The following CRYBG3 variants were observed in gnomAD, a reference collection of about 807,000 sequenced individuals.
The protein encoded by CRYBG3 is crystallin beta-gamma domain containing 3.
Under a neutral mutation model 244.2 loss-of-function variants are expected in CRYBG3, and 127 were observed. The observed-to-expected ratio is 0.52, with a 90% CI of 0.45 to 0.60. The LOEUF (loss-of-function observed/expected upper bound fraction) is 0.60. Among genes scored for constraint, CRYBG3 ranks in the 20% least tolerant of loss-of-function variants. The probability of loss-of-function intolerance (pLI) is 0.00; values close to 1 mark genes in which losing one functional copy is unlikely to be tolerated. For missense variants in CRYBG3, 3,325 were observed against 3,442.5 expected (o/e 0.97, Z 0.85); for synonymous variants, 1,132 against 1,195.8 (o/e 0.95, Z 1.10).
At chr3:97,912,128 T>C in intron 15 of CRYBG3, 39 bp from the exon 16 acceptor site, 1 of 1,103,904 alleles carries the variant, frequency 9.1e-7, no homozygotes, top group South Asian at 1.6e-5. Flanking sequence ...TCTAAGACCA[T>C]TTTTTTTCTA....
At chr3:97,898,002 C>T (rs931251494) in intron 12 of CRYBG3, among the ~76,000 whole-genome samples, 9 of 151,848 alleles carry the variant, frequency 5.9e-5, no homozygotes, top group Admixed American at 5.3e-4. Context: ...GGGTGGATCA[C>T]GAGGTCAGGA....
chr3:97,831,042 G>C (rs2038647681), intron 1 of CRYBG3, among the ~76,000 whole-genome samples: 1 of 152,150 alleles, frequency 6.6e-6, no homozygotes, highest in African/African-American at 2.4e-5. Context: ...CAGATTAATA[G>C]GAGAAATGAC....
intron 17 of CRYBG3, among the ~76,000 whole-genome samples, chr3:97,926,168 C>T (rs377309177): frequency 5.9e-5 from 9 of 152,184 alleles, no homozygotes; most frequent in Middle Eastern, 3.4e-3. Flanking sequence ...CAAAAATCCT[C>T]AACAAAGTAC....
In CRYBG3 at chr3:97,901,184, G is replaced by A. The variant is rs528150674; in HGVS notation, c.8004+699G>A. 1.5e-4 allele frequency among the ~76,000 whole-genome samples: 23 copies of A among 152,120 alleles called. No individual in the cohort carries two copies. The South Asian group carries it at 4.8e-3, about 32-fold the overall frequency. On this transcript the variant is annotated intron_variant, in intron 15 of 21. Transcript: ENST00000389622. The stretch of plus-strand genomic sequence containing the variant: ...GCACTTGACAAAACCACATGTTCAG[G>A]GTTTTACATCAAAGAAAGACATAAT...
intron 18 of CRYBG3, 55 bp downstream of exon 18, chr3:97,933,888 G>A: frequency 1.3e-6 from 2 of 1,530,104 alleles, no homozygotes; most frequent in South Asian, 2.3e-5. Flanking sequence ...AGACAGAGTT[G>A]CAGAGTTGCA....
At chr3:97,926,551 C>T (rs889199632) in intron 17 of CRYBG3, among the ~76,000 whole-genome samples, 5 of 151,848 alleles carry the variant, frequency 3.3e-5, no homozygotes, top group Admixed American at 3.3e-4. Flanking sequence ...TTCAGTATAG[C>T]ACTGGAAGAC....
At chr3:97,929,215 C>T (rs1559747001) in intron 17 of CRYBG3, among the ~76,000 whole-genome samples, 1 of 151,930 alleles carries the variant, frequency 6.6e-6, no homozygotes, top group Non-Finnish European at 1.5e-5. Flanking sequence ...GGTTGGCCAG[C>T]TTCAAAGTTA....
intron 15 of CRYBG3, among the ~76,000 whole-genome samples, chr3:97,904,734 A>C (rs2039747491): frequency 7.3e-6 from 1 of 136,796 alleles, no homozygotes; most frequent in Non-Finnish European, 1.6e-5. Context: ...TTTTTTTATA[A>C]TCTTTTTTTT....
At position 97,899,467 on chromosome 3, in the gene CRYBG3, A is replaced by G. The variant is rs565348075; in HGVS notation, c.7971+204A>G. On this transcript the variant is annotated intron_variant, in intron 14 of 21. Transcript: ENST00000389622. ...AATGAGATGGCTTTGTAATTTGATC[A>G]GTTCATTCACTTAACAGCATTTATT... is the stretch of plus-strand genomic sequence containing the variant. Among the ~76,000 whole-genome samples, 346 of 152,222 alleles carry G rather than the reference A, an allele frequency of 2.3e-3. 1 individual carries two copies. The highest frequency in any genetic ancestry group is 7.2e-3 in the South Asian group (35 of 4,830).
intron 1 of CRYBG3, among the ~76,000 whole-genome samples, chr3:97,824,395 C>A (rs374811257): frequency 2.0e-5 from 3 of 152,074 alleles, no homozygotes; most frequent in Middle Eastern, 3.4e-3. Flanking sequence ...AAGAGGAGTA[C>A]AAAATTAAAA....
At chr3:97,864,101 A>T in intron 2 of CRYBG3, 116 bp from the exon 3 acceptor site, 5 of 776,582 alleles carry the variant, frequency 6.4e-6, no homozygotes, top group Non-Finnish European at 1.0e-5. Context: ...AGAAGCCATT[A>T]GTCTTATTCA....
At chr3:97,823,678 T>A (rs1370812624) in intron 1 of CRYBG3, among the ~76,000 whole-genome samples, 1 of 152,230 alleles carries the variant, frequency 6.6e-6, no homozygotes, top group Non-Finnish European at 1.5e-5. Flanking sequence ...GCAGACAGCC[T>A]GTGGTGCCTG....
In CRYBG3 at chr3:97,873,569, C is replaced by T. The variant is rs1214358708; in HGVS notation, c.2375C>T (p.Ala792Val). 18 of 1,535,556 alleles carry T rather than the reference C, an allele frequency of 1.2e-5. 1 individual carries two copies. The Admixed American group carries it at 3.5e-4, about 30-fold the overall frequency. Residue 792 changes from alanine to valine, a missense_variant, in exon 4 of 22, where the codon GCA becomes GTA. By Grantham distance (64) the Ala-to-Val change is moderately conservative. Around this residue, in one of 4 missense-constraint regions of CRYBG3, gnomAD observed 1,526 missense variants for 1,443.2 expected, o/e 1.06. Coordinates refer to ENST00000389622, the MANE Select transcript of CRYBG3 (RefSeq NM_153605.4). ...RVELVSSNTK[A>V]NMSIIEKSDS... ...GAGTTAGTGTCTTCAAACACTAAAG[C>T]AAATATGAGCATAATAGAGAAGTCT...
chr3:97,862,274 G>C (rs987177136), intron 2 of CRYBG3, among the ~76,000 whole-genome samples: 1 of 152,114 alleles, frequency 6.6e-6, no homozygotes, highest in African/African-American at 2.4e-5. Context: ...AGATTTTAAT[G>C]ATGTTAAAAG....
Position 97,872,575 on chromosome 3 carries a change from T to C in CRYBG3, c.1381T>C (p.Ser461Pro), listed in dbSNP as rs1474896953. The part of the protein sequence containing the change: ...ESTNLPSPNK[S>P]IRHEHLQLPE... ...TACAAATTTGCCAAGTCCAAATAAA[T>C]CAATTAGGCATGAACATCTGCAGTT... The change falls in exon 4 of 22, where the codon TCA becomes CCA. Residue 461 changes from serine to proline, a missense_variant. Coordinates refer to ENST00000389622, the MANE Select transcript of CRYBG3 (RefSeq NM_153605.4). 1.8e-5 allele frequency: 27 copies of C among 1,535,836 alleles called. No homozygotes were observed. In the East Asian group the frequency reaches 4.6e-4, roughly 26 times the overall value.
intron 12 of CRYBG3, among the ~76,000 whole-genome samples, chr3:97,897,949 G>A (rs1015177331): frequency 5.3e-5 from 8 of 152,082 alleles, no homozygotes; most frequent in African/African-American, 1.7e-4. Flanking sequence ...GGCTGGGCAC[G>A]GTGGTTCATG....
In CRYBG3 at chr3:97,886,666, A is replaced by C; in HGVS notation, c.7188A>C (p.Gln2396His). The C allele has an allele frequency of 1.9e-6, 3 of 1,608,724 alleles. No homozygotes were observed. Among genetic ancestry groups the C allele is most frequent in the Non-Finnish European group, 2.5e-6 (3 of 1,178,614 alleles). ...CSIPEIELFP[Q>H]SDPACCPVYI... ...TTCCAGAAATAGAGCTTTTCCCACA[A>C]TCTGACCCAGCCTGTTGTCCTGTCT... The change falls in exon 8 of 22, where the codon CAA becomes CAC. Residue 2396 changes from glutamine to histidine, a missense_variant. Transcript: ENST00000389622.
At chr3:97,917,064 T>C (rs1039037009) in intron 17 of CRYBG3, among the ~76,000 whole-genome samples, 12 of 152,090 alleles carry the variant, frequency 7.9e-5, no homozygotes, top group African/African-American at 2.9e-4. Context: ...AGGTCTAAAT[T>C]TGAAAGTACT....
intron 17 of CRYBG3, among the ~76,000 whole-genome samples, chr3:97,918,498 A>G (rs1193680497): frequency 6.6e-6 from 1 of 152,200 alleles, no homozygotes; most frequent in African/African-American, 2.4e-5. Context: ...GTATTTTCAA[A>G]TCATGGACAG....
Sources: gnomAD v4.1 joint callset for allele counts (sites outside exome capture counted in the v4.1 genomes callset) on GRCh38, gnomAD v4.1.1 for gene constraint, gnomAD v4.1.1 regional missense constraint, MANE v1.5 for transcripts, NCBI Gene and HGNC (gene_info 2026-07-23, HGNC 2026-07-21) for gene names.